Variants in PTH2R observed in about 807,000 individuals in gnomAD.
The protein encoded by PTH2R is parathyroid hormone 2 receptor, also known as PTH2 receptor.
PTH2R carries 59 observed loss-of-function variants against 60.3 expected under a neutral mutation model. The ratio of observed to expected loss-of-function variants is 0.98; its 90% CI spans 0.79 to 1.22. The LOEUF (loss-of-function observed/expected upper bound fraction) is 1.22. Among genes scored for constraint, PTH2R ranks in the 50% most tolerant of loss-of-function variants. The probability of loss-of-function intolerance (pLI) is 0.00; values close to 1 mark genes in which losing one functional copy is unlikely to be tolerated. For missense variants in PTH2R, 749 were observed against 682.6 expected (o/e 1.10, Z -1.08); for synonymous variants, 256 against 243.8 (o/e 1.05, Z -0.47).
At chr2:208,407,267 G>C in intron 1 of PTH2R, 149 bp downstream of exon 1, 1 of 562,548 alleles carries the variant, frequency 1.8e-6, no homozygotes, top group Non-Finnish European at 2.8e-6. Context: ...TACCCGGCAG[G>C]TGCTGGCAGG....
At chr2:208,417,832 G>T (rs1472953266) in intron 1 of PTH2R, among the ~76,000 whole-genome samples, 3 of 152,016 alleles carry the variant, frequency 2.0e-5, no homozygotes, top group Non-Finnish European at 4.4e-5. Context: ...CATATCTTGA[G>T]GGGAGAAAGA....
At position 208,406,822 on chromosome 2, in the gene PTH2R, G is replaced by A. The variant is rs1701420737; in HGVS notation, c.-222G>A. Reference sequence around the variant, plus strand: ...TCGGGCCAGTCTCTCCGGAAGACAAGACCAACCTCGCGCCGCGGCGCAGCA... The same window carrying A: ...TCGGGCCAGTCTCTCCGGAAGACAAAACCAACCTCGCGCCGCGGCGCAGCA... On this transcript the variant is annotated 5_prime_UTR_variant, in exon 1 of 13. Coordinates refer to ENST00000272847, the MANE Select transcript of PTH2R (RefSeq NM_005048.4). 5.2e-6 allele frequency: 2 copies of A among 384,840 alleles called. No homozygotes were observed. Among genetic ancestry groups the A allele is most frequent in the African/African-American group, 4.2e-5 (2 of 48,158 alleles). 23.8% of individuals were successfully genotyped at this position (384,840 alleles called of 1,614,324 possible). A position where few individuals can be genotyped will look rare whatever the true frequency, so the allele number is the denominator to read the frequency against.
chr2:208,392,631 G>C (rs1316650894), intron 1 of PTH2R, among the ~76,000 whole-genome samples: 1 of 152,166 alleles, frequency 6.6e-6, no homozygotes, highest in Non-Finnish European at 1.5e-5. Context: ...TATGTAAATA[G>C]TAAGCCCCCA....
intron 1 of PTH2R, among the ~76,000 whole-genome samples, chr2:208,388,429 C>G (rs1701048388): frequency 6.6e-6 from 1 of 152,174 alleles, no homozygotes; most frequent in Non-Finnish European, 1.5e-5. Flanking sequence ...CGGTGACGTT[C>G]CACACTATCC....
At chr2:208,389,779 A>G (rs1701072461) in intron 1 of PTH2R, among the ~76,000 whole-genome samples, 1 of 146,680 alleles carries the variant, frequency 6.8e-6, no homozygotes, top group South Asian at 2.1e-4. Context: ...TTGAAGATAG[A>G]TTTCTTTTCC....
intron 1 of PTH2R, among the ~76,000 whole-genome samples, chr2:208,362,664 C>T (rs535774197): frequency 6.6e-6 from 1 of 152,194 alleles, no homozygotes; most frequent in African/African-American, 2.4e-5. Flanking sequence ...TGAGACCCTG[C>T]TCTGAGTTCT....
At chr2:208,394,379 T>A (rs1701165591) in intron 1 of PTH2R, among the ~76,000 whole-genome samples, 1 of 152,240 alleles carries the variant, frequency 6.6e-6, no homozygotes, top group Non-Finnish European at 1.5e-5. Context: ...AAAGTGTTCT[T>A]TTAGTCTGCT....
At chr2:208,452,564 A>G (rs757975914) in intron 8 of PTH2R, among the ~76,000 whole-genome samples, 2 of 152,212 alleles carry the variant, frequency 1.3e-5, no homozygotes, top group Non-Finnish European at 2.9e-5. Flanking sequence ...ATTAGGCTGT[A>G]GAAAAGATGA....
intron 1 of PTH2R, among the ~76,000 whole-genome samples, chr2:208,394,536 C>T (rs1357543791): frequency 6.6e-6 from 1 of 152,228 alleles, no homozygotes; most frequent in African/African-American, 2.4e-5. Flanking sequence ...AGCCATGGCA[C>T]CAGAGAAACT....
Position 208,485,707 on chromosome 2 carries a change from C to T in PTH2R, c.1077-3305C>T, listed in dbSNP as rs563757701. ...GGTAGGCATATTTCTATATTGGCCC[C>T]CAAGATTCCTGCCCATGGGTGTATA... On this transcript the variant is annotated intron_variant, in intron 10 of 12. Transcript: ENST00000272847. Among the ~76,000 whole-genome samples the T allele has an allele frequency of 2.6e-5, 4 of 152,258 alleles. No individual in the cohort carries two copies. In the East Asian group the frequency reaches 7.7e-4, roughly 29 times the overall value.
At position 208,437,758 on chromosome 2, in the gene PTH2R, A is replaced by G; in HGVS notation, c.290-2A>G. 6.2e-7 allele frequency: 1 copy of G among 1,612,196 alleles called. No individual in the cohort carries two copies. On this transcript the variant is annotated splice_acceptor_variant, in intron 3 of 12. Transcript: ENST00000272847. LOFTEE classifies it high-confidence loss of function. ...ATCTCAGCATCTTTCATGTCTTTACAGGAGTTGCTTTCCGACACTGTAACC... is the reference window on the plus strand; with the variant it reads ...ATCTCAGCATCTTTCATGTCTTTACGGGAGTTGCTTTCCGACACTGTAACC...
intron 2 of PTH2R, among the ~76,000 whole-genome samples, chr2:208,437,109 G>A (rs906349041): frequency 4.3e-4 from 65 of 152,290 alleles, no homozygotes; most frequent in African/African-American, 1.5e-3. Context: ...CCTGAGTCTT[G>A]CGGCTTGCCA....
At chr2:208,478,893 CAT>C (rs1559232259) in intron 9 of PTH2R, among the ~76,000 whole-genome samples, 1 of 152,154 alleles carries the variant, frequency 6.6e-6, no homozygotes, top group African/African-American at 2.4e-5. Context: ...ATGCCTGTCT[CAT>C]AGAGCTGCTG....
chr2:208,403,209 TC>T (rs1701342323), upstream of PTH2R, among the ~76,000 whole-genome samples: 1 of 152,228 alleles, frequency 6.6e-6, no homozygotes, highest in Non-Finnish European at 1.5e-5. Flanking sequence ...GCTAGTTCAG[TC>T]AGACGTTTTC....
intron 1 of PTH2R, among the ~76,000 whole-genome samples, chr2:208,388,463 T>C (rs1701049438): frequency 6.6e-6 from 1 of 152,244 alleles, no homozygotes; most frequent in African/African-American, 2.4e-5. Flanking sequence ...TGACATCTTT[T>C]TCTTCTGTCA....
chr2:208,447,354 C>T (rs1702306834), intron 7 of PTH2R, among the ~76,000 whole-genome samples: 1 of 151,634 alleles, frequency 6.6e-6, no homozygotes, highest in Admixed American at 6.6e-5. Context: ...TTTGGGAGGC[C>T]GAGGCGGGCG....
At chr2:208,386,274 T>C (rs989645398) in intron 1 of PTH2R, among the ~76,000 whole-genome samples, 13 of 152,194 alleles carry the variant, frequency 8.5e-5, no homozygotes, top group African/African-American at 3.1e-4. Context: ...GTGTTTGTGC[T>C]GTGATGGATG....
chr2:208,482,240 GC>G (rs1221862443), intron 10 of PTH2R, among the ~76,000 whole-genome samples: 2 of 152,156 alleles, frequency 1.3e-5, no homozygotes, highest in African/African-American at 4.8e-5. Flanking sequence ...CTGGCCAGCA[GC>G]CCACAATGCA....
intron 1 of PTH2R, among the ~76,000 whole-genome samples, chr2:208,389,753 C>G (rs1326532996): frequency 6.6e-6 from 1 of 151,752 alleles, no homozygotes; most frequent in East Asian, 1.9e-4. Flanking sequence ...AATTAATGAG[C>G]AAAAACTAAA....
Sources: gnomAD v4.1 joint callset for allele counts (sites outside exome capture counted in the v4.1 genomes callset) on GRCh38, gnomAD v4.1.1 for gene constraint, MANE v1.5 for transcripts, NCBI Gene and HGNC (gene_info 2026-07-23, HGNC 2026-07-21) for gene names.